The following DCDC1 variants were observed in gnomAD, a reference collection of about 807,000 sequenced individuals.
DCDC1 encodes the protein doublecortin domain containing 1.
DCDC1 carries 200 observed loss-of-function variants against 178.3 expected under a neutral mutation model. That is an observed-to-expected ratio of 1.12 (90% CI 1.00 to 1.26). The LOEUF is 1.26. Among genes scored for constraint, DCDC1 ranks in the 50% most tolerant of loss-of-function variants. The pLI is 0.00. For missense variants in DCDC1, 1,983 were observed against 1,749.2 expected, an observed-to-expected ratio of 1.13 and a Z score of -2.38; for synonymous variants, 690 against 604.8, an observed-to-expected ratio of 1.14 and a Z score of -2.07.
chr11:31,044,278 C>T (rs1954672663), intron 20 of DCDC1, among the ~76,000 whole-genome samples: 2 of 151,980 alleles, frequency 1.3e-5, no homozygotes, highest in Admixed American at 1.3e-4. Context: ...GAGATGGAGA[C>T]CATCCTGGCT....
chr11:31,094,854 T>TA (rs1958050951), intron 15 of DCDC1, among the ~76,000 whole-genome samples: 1 of 152,096 alleles, frequency 6.6e-6, no homozygotes, highest in Admixed American at 6.5e-5. Context: ...ACAGGTTTGT[T>TA]ACATAGGTAT....
chr11:30,991,621 C>T (rs1214260183), intron 20 of DCDC1, among the ~76,000 whole-genome samples: 2 of 152,076 alleles, frequency 1.3e-5, no homozygotes, highest in African/African-American at 4.8e-5. Context: ...ACCAGGTGTA[C>T]AAGCCTGCAC....
chr11:31,120,886 G>T (rs917248681), intron 11 of DCDC1, among the ~76,000 whole-genome samples: 4 of 152,062 alleles, frequency 2.6e-5, no homozygotes, highest in African/African-American at 7.2e-5. Context: ...CCCTCCCAGG[G>T]AAATGCTAAC....
Position 31,109,118 on chromosome 11 carries a change from CAT to C in DCDC1, c.1587+1140_1587+1141del, listed in dbSNP as rs1491512909. 7.8e-5 allele frequency among the ~76,000 whole-genome samples: 11 copies of C among 140,920 alleles called. No individual in the cohort carries two copies. The South Asian group carries it at 2.5e-3, about 32-fold the overall frequency. The allele number at this position is 140,920 out of a possible 152,430, so 92.4% of individuals were successfully genotyped here. On this transcript the variant is annotated intron_variant, in intron 12 of 38. Transcript: ENST00000684477. Reference sequence around the variant, plus strand: ...AAAAGTTTCTATAGAATAATATCTTCATTTTTTTTTTTTTTTTTGAGACAGGG... The same window carrying C: ...AAAAGTTTCTATAGAATAATATCTTCTTTTTTTTTTTTTTTTGAGACAGGG...
At chr11:31,182,712 C>A (rs1426976333) in intron 9 of DCDC1, among the ~76,000 whole-genome samples, 1 of 152,142 alleles carries the variant, frequency 6.6e-6, no homozygotes, top group Non-Finnish European at 1.5e-5. Context: ...AAATAAGCAG[C>A]TAGCATCATA....
At chr11:31,018,310 T>G (rs1166966379) in intron 20 of DCDC1, among the ~76,000 whole-genome samples, 1 of 152,220 alleles carries the variant, frequency 6.6e-6, no homozygotes, top group African/African-American at 2.4e-5. Context: ...ACTCATATTT[T>G]GTAATTTTTT....
At chr11:31,361,228 T>G (rs1951693008) in intron 1 of DCDC1, among the ~76,000 whole-genome samples, 1 of 152,152 alleles carries the variant, frequency 6.6e-6, no homozygotes, top group Admixed American at 6.5e-5. Context: ...TTTTATTGAT[T>G]TATAATCATA....
In DCDC1 at chr11:30,864,326, T is replaced by C. The variant is rs571108509; in HGVS notation, c.*1047A>G. On this transcript the variant is annotated 3_prime_UTR_variant, in exon 39 of 39. Transcript: ENST00000684477. ...ACTTGGGATTTGAAACCAATATGTA[T>C]AATCATCAAAGATATATTTTAAGGA... 11 of 152,362 alleles carry C rather than the reference T, an allele frequency of 7.2e-5. No homozygotes were observed. The highest frequency in any genetic ancestry group is 1.5e-4 in the Non-Finnish European group (10 of 68,042). The allele number at this position is 152,362 out of a possible 1,614,324, so 9.4% of individuals were successfully genotyped here.
chr11:31,082,678 A>G (rs1957257984), intron 17 of DCDC1, among the ~76,000 whole-genome samples: 1 of 152,272 alleles, frequency 6.6e-6, no homozygotes, highest in African/African-American at 2.4e-5. Context: ...TTACACATAT[A>G]TATGTGTGTA....
chr11:31,188,186 G>A (rs158148), intron 9 of DCDC1, among the ~76,000 whole-genome samples: 12 of 151,900 alleles, frequency 7.9e-5, no homozygotes, highest in South Asian at 4.1e-4. Flanking sequence ...ATTTTAAAAC[G>A]AAGCAGAAAT....
chr11:31,094,008 G>A (rs185878578), intron 16 of DCDC1, 42 bp downstream of exon 16: 142 of 755,626 alleles, frequency 1.9e-4, no homozygotes, highest in Middle Eastern at 4.6e-4. Flanking sequence ...GAGCCAGCAA[G>A]CAAGGGGAGG....
intron 1 of DCDC1, among the ~76,000 whole-genome samples, chr11:31,342,192 A>G (rs1215241012): frequency 6.6e-6 from 1 of 152,220 alleles, no homozygotes; most frequent in Non-Finnish European, 1.5e-5. Context: ...GGGAAGCTCA[A>G]AGATTATGAG....
intron 16 of DCDC1, among the ~76,000 whole-genome samples, chr11:31,092,962 C>A (rs1957906487): frequency 6.6e-6 from 1 of 152,176 alleles, no homozygotes; most frequent in South Asian, 2.1e-4. Flanking sequence ...ACCTCAGTTT[C>A]TTCAGCTGTA....
chr11:30,894,201 C>A (rs564021202), intron 35 of DCDC1, 47 bp downstream of exon 35: 2 of 1,581,668 alleles, frequency 1.3e-6, no homozygotes, highest in South Asian at 1.2e-5. Context: ...TTTAAATACT[C>A]ATAAAAAGGG....
At chr11:30,889,951 AG>A (rs1943628237) in intron 36 of DCDC1, among the ~76,000 whole-genome samples, 2 of 152,216 alleles carry the variant, frequency 1.3e-5, no homozygotes, top group Non-Finnish European at 2.9e-5. Context: ...TAAAGCCATA[AG>A]GGTGGAGCCC....
chr11:31,075,053 C>G (rs1325135493), intron 18 of DCDC1, among the ~76,000 whole-genome samples: 2 of 152,136 alleles, frequency 1.3e-5, no homozygotes, highest in Non-Finnish European at 2.9e-5. Context: ...TATCCATCCT[C>G]TCACCCTTCT....
At chr11:30,928,287 C>A (rs1354719718) in intron 22 of DCDC1, among the ~76,000 whole-genome samples, 1 of 152,122 alleles carries the variant, frequency 6.6e-6, no homozygotes, top group Non-Finnish European at 1.5e-5. Flanking sequence ...TCACCAGATG[C>A]AGATGCCCAA....
intron 3 of DCDC1, among the ~76,000 whole-genome samples, chr11:31,309,546 C>T (rs1228999312): frequency 1.3e-5 from 2 of 151,988 alleles, no homozygotes; most frequent in Non-Finnish European, 2.9e-5. Context: ...TGGGGGAAGA[C>T]CAGTAAACAG....
chr11:31,078,295 T>C (rs572473598), intron 17 of DCDC1, among the ~76,000 whole-genome samples: 1 of 152,222 alleles, frequency 6.6e-6, no homozygotes, highest in South Asian at 2.1e-4. Context: ...ATTAAGAGAA[T>C]AGTATGAAAA....
Sources: gnomAD v4.1 joint callset for allele counts (sites outside exome capture counted in the v4.1 genomes callset) on GRCh38, gnomAD v4.1.1 for gene constraint, MANE v1.5 for transcripts, NCBI Gene and HGNC (gene_info 2026-07-23, HGNC 2026-07-21) for gene names.